The following CABP4 variants were observed in gnomAD, a reference collection of about 807,000 sequenced individuals.
The protein encoded by CABP4 is calcium binding protein 4, also known as calcium-binding protein 4.
Under a neutral mutation model 30.7 loss-of-function variants are expected in CABP4, and 30 were observed. That is an observed-to-expected ratio of 0.98 (90% confidence interval 0.73 to 1.33). The LOEUF is 1.33. Ranked by LOEUF, CABP4 falls within the 40% of genes most tolerant of loss-of-function variation. CABP4 has a pLI of 0.00. For missense variants in CABP4, 424 were observed against 395.5 expected (o/e 1.07, Z -0.61); for synonymous variants, 161 against 159.2 (o/e 1.01, Z -0.08).
rs1429521984 is a variant in CABP4 at position 67,461,135 on chromosome 11, T to A, written c.*2476T>A. On this transcript the variant is annotated 3_prime_UTR_variant, in exon 6 of 6. Coordinates refer to ENST00000325656, the MANE Select transcript of CABP4 (RefSeq NM_145200.5). ...GCAAGACCCTGCCTCTTAAAAAAAA[T>A]AATAAAAAAATAAGCTGGGTGTAGT... 6.6e-6 allele frequency among the ~76,000 whole-genome samples: 1 copy of A among 151,358 alleles called. No individual in the cohort carries two copies. Among genetic ancestry groups the A allele is most frequent in the Non-Finnish European group, 1.5e-5 (1 of 67,868 alleles).
upstream of CABP4, among the ~76,000 whole-genome samples, chr11:67,453,897 A>G (rs900639164): frequency 2.6e-5 from 4 of 152,010 alleles, no homozygotes; most frequent in African/African-American, 9.7e-5. Context: ...ACCCGAAGGT[A>G]GGGAGTCTGG....
rs2135186326 is a variant in CABP4, at chr11:67,458,708, A to G, written c.*49A>G. On this transcript the variant is annotated 3_prime_UTR_variant, in exon 6 of 6. Coordinates refer to ENST00000325656, the MANE Select transcript of CABP4 (RefSeq NM_145200.5). ...GCCCCTGCGGCCCCAGACACCAGCC[A>G]GACCCAGGCTGCAGGCCTCCCCCAG... 6.2e-7 allele frequency: 1 copy of G among 1,611,068 alleles called. No homozygotes were observed.
chr11:67,458,997 A>C lies in CABP4; in HGVS notation c.*338A>C. 1 of 429,258 alleles carries C rather than the reference A, an allele frequency of 2.3e-6. No homozygotes were observed. The highest frequency in any genetic ancestry group is 4.3e-6 in the Non-Finnish European group (1 of 231,270). The allele number at this position is 429,258 out of a possible 1,614,324, so 26.6% of individuals were successfully genotyped here. On this transcript the variant is annotated 3_prime_UTR_variant, in exon 6 of 6. Coordinates refer to ENST00000325656, the MANE Select transcript of CABP4 (RefSeq NM_145200.5). ...TGGGGACCCCCCAGTGGCATGATGA[A>C]TGGAGAGGATGGCTGGACCCCTTCC...
In CABP4 at chr11:67,458,464, G is replaced by C; in HGVS notation, c.745G>C (p.Asp249His). The change falls in exon 5 of 6, where the codon GAC (aspartate) becomes CAC (histidine). Residue 249 changes from aspartate to histidine, a missense_variant. Coordinates refer to ENST00000325656, the MANE Select transcript of CABP4 (RefSeq NM_145200.5). Reference protein sequence around the residue: ...LGEPLAGPELDEMLREVDLNG... With the variant: ...LGEPLAGPELHEMLREVDLNG... ...GGAGCCGCTGGCGGGTCCTGAGCTG[G>C]ACGAGATGCTCCGAGAAGTGGACCT... 1 of 1,613,970 alleles carries C rather than the reference G, an allele frequency of 6.2e-7. No homozygotes were observed. Among genetic ancestry groups the C allele is most frequent in the South Asian group, 1.1e-5 (1 of 91,070 alleles).
chr11:67,454,596 C>T (rs950356145), upstream of CABP4, among the ~76,000 whole-genome samples: 11 of 152,184 alleles, frequency 7.2e-5, no homozygotes, highest in South Asian at 2.1e-4. Context: ...TTGTGGCACC[C>T]GGCAGCGCTA....
intron 1 of CABP4, 47 bp downstream of exon 1, chr11:67,455,836 G>A (rs931814969): frequency 5.8e-6 from 9 of 1,543,584 alleles, no homozygotes; most frequent in Non-Finnish European, 7.9e-6. Flanking sequence ...GGTGGGGCTG[G>A]AGACACACCC....
Position 67,458,451 on chromosome 11 carries a change from G to C in CABP4, c.732G>C (p.Ala244=). Residue 244 remains alanine, a synonymous_variant, in exon 5 of 6, where the codon GCG becomes GCC. Transcript: ENST00000325656. Reference sequence around the variant, plus strand: ...CGGCTCTGCTCGGGGAGCCGCTGGCGGGTCCTGAGCTGGACGAGATGCTCC... The same window carrying C: ...CGGCTCTGCTCGGGGAGCCGCTGGCCGGTCCTGAGCTGGACGAGATGCTCC... ...AVPALLGEPL[A]GPELDEMLRE... is the part of the protein sequence containing the mutation. 2 of 1,613,938 alleles carry C rather than the reference G, an allele frequency of 1.2e-6. No homozygotes were observed. Among genetic ancestry groups the C allele is most frequent in the Admixed American group, 1.7e-5 (1 of 60,010 alleles).
chr11:67,458,366 C>A lies in CABP4; in HGVS notation c.652-5C>A. On this transcript the variant is annotated splice_polypyrimidine_tract_variant and splice_region_variant and intron_variant, in intron 4 of 5. Coordinates refer to ENST00000325656, the MANE Select transcript of CABP4 (RefSeq NM_145200.5). ...GGGAGGGGCTGAGCTTTGCGGGGAC[C>A]TTAGTTTGACAGGGACAGGGATGGA... 6.2e-7 allele frequency: 1 copy of A among 1,603,758 alleles called. No individual in the cohort carries two copies. The highest frequency in any genetic ancestry group is 8.5e-7 in the Non-Finnish European group (1 of 1,172,446).
chr11:67,452,532 G>T, upstream of CABP4: 1 of 1,606,752 alleles, frequency 6.2e-7, no homozygotes, highest in Non-Finnish European at 8.5e-7. Context: ...AGCGCCAGAC[G>T]CGTGCCAGCT....
At chr11:67,452,736 A>G (rs1864608625), upstream of CABP4, 13 of 1,542,864 alleles carry the variant, frequency 8.4e-6, no homozygotes, top group African/African-American at 1.4e-5. Context: ...TGGGGTCCCC[A>G]GAGTCCTGCT....
At chr11:67,456,577 C>T in intron 3 of CABP4, 135 bp downstream of exon 3, 2 of 1,148,168 alleles carry the variant, frequency 1.7e-6, no homozygotes, top group South Asian at 1.3e-5. Flanking sequence ...CAGGCAGGGG[C>T]ACCGGGTTCA....
upstream of CABP4, chr11:67,452,783 G>A: frequency 1.5e-6 from 2 of 1,339,568 alleles, no homozygotes; most frequent in South Asian, 2.8e-5. Flanking sequence ...CAATGATGGT[G>A]TGAATGACCG....
At chr11:67,456,095 G>A in intron 1 of CABP4, 93 bp from the exon 2 acceptor site, 1 of 1,611,166 alleles carries the variant, frequency 6.2e-7, no homozygotes, top group South Asian at 1.1e-5. Flanking sequence ...ATGGGGCTGG[G>A]CCCTGCCCAG....
At position 67,460,736 on chromosome 11, in the gene CABP4, A is replaced by T. The variant is rs771896989; in HGVS notation, c.*2077A>T. ...GGTGGCTCACGCCTGTAATCCCAGC[A>T]CTTTGGGAGGCTGAGACGGGCGGGT... On this transcript the variant is annotated 3_prime_UTR_variant, in exon 6 of 6. Coordinates refer to ENST00000325656, the MANE Select transcript of CABP4 (RefSeq NM_145200.5). Among the ~76,000 whole-genome samples, 1 of 151,888 alleles carries T rather than the reference A, an allele frequency of 6.6e-6. No homozygotes were observed. Among genetic ancestry groups the T allele is most frequent in the African/African-American group, 2.4e-5 (1 of 41,318 alleles).
chr11:67,456,235 G>A lies in CABP4; in HGVS notation c.397+17G>A. On this transcript the variant is annotated intron_variant, in intron 2 of 5. Coordinates refer to ENST00000325656, the MANE Select transcript of CABP4 (RefSeq NM_145200.5). ...AGCTAGACGGTGAGTGGCTCTTGCT[G>A]CTGGCAGGGGGTGGGAGCTGTCCCT... 6.2e-7 allele frequency: 1 copy of A among 1,613,660 alleles called. No homozygotes were observed. Among genetic ancestry groups the A allele is most frequent in the Non-Finnish European group, 8.5e-7 (1 of 1,180,012 alleles).
rs145684543 is a variant in CABP4 at position 67,461,495 on chromosome 11, C to T, written c.*2836C>T. On this transcript the variant is annotated 3_prime_UTR_variant, in exon 6 of 6. Transcript: ENST00000325656. ...ATATCTGGATATATCCCATTGAAAC[C>T]ACAGAATATAAAAAGCAAATCTTAT... Among the ~76,000 whole-genome samples the T allele has an allele frequency of 9.9e-5, 15 of 152,182 alleles. No individual in the cohort carries two copies. The highest frequency in any genetic ancestry group is 3.6e-4 in the African/African-American group (15 of 41,516).
upstream of CABP4, among the ~76,000 whole-genome samples, chr11:67,455,086 A>AT (rs1590998197): frequency 6.6e-6 from 1 of 152,166 alleles, no homozygotes; most frequent in East Asian, 1.9e-4. Context: ...CATGTTTTAT[A>AT]GATAGGGAAA....
intron 1 of CABP4, 54 bp from the exon 2 acceptor site, chr11:67,456,134 A>T: frequency 6.2e-7 from 1 of 1,612,858 alleles, no homozygotes; most frequent in Non-Finnish European, 8.5e-7. Context: ...TGAAGGAGGA[A>T]GGATGACAGA....
Position 67,457,673 on chromosome 11 carries a change from C to A in CABP4, c.642C>A (p.Ala214=). 1 of 1,587,068 alleles carries A rather than the reference C, an allele frequency of 6.3e-7. No individual in the cohort carries two copies. Among genetic ancestry groups the A allele is most frequent in the South Asian group, 1.1e-5 (1 of 86,986 alleles). ...TGGGGGTGCGAGAGCTGCGCATCGC[C>A]TTCCGAGAGGTGCGGAGTGTGGTGA... ...HMLGVRELRI[A]FREFDRDRDG... The change falls in exon 4 of 6, where the codon GCC becomes GCA. Residue 214 remains alanine, a synonymous_variant. Transcript: ENST00000325656.
Sources: allele counts gnomAD v4.1 joint callset (sites outside exome capture counted in the v4.1 genomes callset), GRCh38; gene constraint gnomAD v4.1.1; transcripts MANE v1.5; gene names NCBI Gene and HGNC (gene_info 2026-07-23, HGNC 2026-07-21).